SCMH1: variants seen among roughly 807,000 people sequenced by gnomAD.
The protein encoded by SCMH1 is polycomb protein SCMH1.
SCMH1 carries 37 observed loss-of-function variants against 70.8 expected under a neutral mutation model. The ratio of observed to expected loss-of-function variants is 0.52; its 90% CI spans 0.40 to 0.69. The LOEUF is 0.69. SCMH1 is among the 30% of genes least tolerant of loss of function. The pLI is 0.00. For missense variants in SCMH1, 607 were observed against 827.3 expected (o/e 0.73, Z 3.27); for synonymous variants, 292 against 307.4 (o/e 0.95, Z 0.52).
At chr1:41,127,807 T>TCCTTCTC (rs1673604607) in intron 6 of SCMH1, among the ~76,000 whole-genome samples, 1 of 152,078 alleles carries the variant, frequency 6.6e-6, no homozygotes, top group African/African-American at 2.4e-5. Flanking sequence ...CCTTCCTTCT[T>TCCTTCTC]CCTTCTCCTG....
At chr1:41,162,280 CAA>C (rs1346495005) in intron 2 of SCMH1, among the ~76,000 whole-genome samples, 2 of 152,150 alleles carry the variant, frequency 1.3e-5, no homozygotes, top group Non-Finnish European at 2.9e-5. Flanking sequence ...GATCTTGGAG[CAA>C]AGTCAGGGTG....
rs544283357 is a variant in SCMH1 at position 41,179,488 on chromosome 1, G to A, written c.13+6633C>T. Among the ~76,000 whole-genome samples the A allele has an allele frequency of 6.6e-5, 10 of 152,180 alleles. No individual in the cohort carries two copies. In the South Asian group the frequency reaches 2.1e-3, roughly 32 times the overall value. On this transcript the variant is annotated intron_variant, in intron 2 of 14. Coordinates refer to ENST00000337495, the Ensembl canonical transcript of SCMH1. Reference sequence around the variant, plus strand: ...ACCGCTAGCAAGACTAATAAGAAAAGAGAGAAGAATCAAATAGATGCAATA... The same window carrying A: ...ACCGCTAGCAAGACTAATAAGAAAAAAGAGAAGAATCAAATAGATGCAATA...
At chr1:41,139,603 A>T (rs1572522203) in intron 6 of SCMH1, among the ~76,000 whole-genome samples, 1 of 152,320 alleles carries the variant, frequency 6.6e-6, no homozygotes, top group East Asian at 1.9e-4. Context: ...AGAATAACAC[A>T]CTACAGTGTA....
chr1:41,105,254 G>A (rs1667614052), intron 8 of SCMH1, among the ~76,000 whole-genome samples: 1 of 151,960 alleles, frequency 6.6e-6, no homozygotes, highest in South Asian at 2.1e-4. Context: ...ATGAGCCACT[G>A]TGCCTGGCCT....
intron 11 of SCMH1, among the ~76,000 whole-genome samples, 195 bp downstream of exon 11, chr1:41,048,495 G>A (rs1160713170): frequency 6.6e-6 from 1 of 152,112 alleles, no homozygotes; most frequent in African/African-American, 2.4e-5. Flanking sequence ...AGAATCTGTG[G>A]GTATTCTCCT....
chr1:41,236,091 G>A (rs1281785397), intron 1 of SCMH1, among the ~76,000 whole-genome samples: 1 of 152,142 alleles, frequency 6.6e-6, no homozygotes, highest in African/African-American at 2.4e-5. Flanking sequence ...TTTCCAAAGG[G>A]TATATACCTA....
At chr1:41,060,389 A>G (rs1188432773) in intron 10 of SCMH1, among the ~76,000 whole-genome samples, 3 of 152,102 alleles carry the variant, frequency 2.0e-5, no homozygotes, top group Non-Finnish European at 4.4e-5. Flanking sequence ...TGAAATATTT[A>G]AAGTGTTGAG....
chr1:41,194,079 G>C (rs1274396316), intron 1 of SCMH1, among the ~76,000 whole-genome samples: 1 of 152,164 alleles, frequency 6.6e-6, no homozygotes, highest in Non-Finnish European at 1.5e-5. Context: ...ACAGGATTTT[G>C]AATAAGTCTC....
chr1:41,068,182 A>C (rs1655304868), intron 10 of SCMH1, among the ~76,000 whole-genome samples: 2 of 152,192 alleles, frequency 1.3e-5, no homozygotes, highest in South Asian at 4.1e-4. Flanking sequence ...GGAGTACTAA[A>C]TAATTATAAT....
At chr1:41,041,581 G>A (rs1178928660) in intron 12 of SCMH1, 1 of 152,232 alleles carries the variant, frequency 6.6e-6, no homozygotes, top group Non-Finnish European at 1.5e-5. Context: ...AAGCGGACGT[G>A]TGCCAGACAG....
intron 1 of SCMH1, among the ~76,000 whole-genome samples, chr1:41,210,670 A>G (rs1161546441): frequency 1.3e-5 from 2 of 152,190 alleles, no homozygotes; most frequent in Non-Finnish European, 2.9e-5. Flanking sequence ...GAAAGCTGAA[A>G]CTGGATCCCT....
intron 2 of SCMH1, among the ~76,000 whole-genome samples, chr1:41,183,291 C>T (rs1165226189): frequency 1.3e-5 from 2 of 152,182 alleles, no homozygotes; most frequent in Non-Finnish European, 1.5e-5. Context: ...TCCAATCATA[C>T]ATCAGCATTA....
At chr1:41,032,300 C>T (rs1175807806) in intron 13 of SCMH1, among the ~76,000 whole-genome samples, 4 of 152,116 alleles carry the variant, frequency 2.6e-5, no homozygotes, top group Admixed American at 2.6e-4. Flanking sequence ...TCCATGAGGG[C>T]AGGTGGTAGG....
intron 2 of SCMH1, among the ~76,000 whole-genome samples, chr1:41,180,301 G>A (rs540404442): frequency 6.6e-6 from 1 of 152,256 alleles, no homozygotes; most frequent in East Asian, 1.9e-4. Flanking sequence ...TTGAAAACTG[G>A]CACAAGACAG....
chr1:41,168,845 G>A (rs531329981), intron 2 of SCMH1, among the ~76,000 whole-genome samples: 27 of 151,970 alleles, frequency 1.8e-4, no homozygotes, highest in African/African-American at 4.6e-4. Context: ...TGGTCCCCTC[G>A]AGCTTAGGAT....
chr1:41,160,036 G>A, intron 4 of SCMH1: 1 of 275,596 alleles, frequency 3.6e-6, no homozygotes, highest in Non-Finnish European at 6.7e-6. Flanking sequence ...CTCTCAAAAA[G>A]CCTAGGAGTT....
intron 8 of SCMH1, among the ~76,000 whole-genome samples, chr1:41,101,684 G>A (rs577035452): frequency 4.6e-5 from 7 of 151,728 alleles, no homozygotes; most frequent in Admixed American, 2.6e-4. Context: ...ATCCAAGTCC[G>A]CTGTTTTTTT....
At chr1:41,046,643 G>A (rs1558420126) in intron 11 of SCMH1, 45 bp from the exon 12 acceptor site, 1 of 1,492,022 alleles carries the variant, frequency 6.7e-7, no homozygotes, top group Non-Finnish European at 9.3e-7. Flanking sequence ...CCTGGCAGTG[G>A]AGTACAGCGC....
At chr1:41,171,903 G>A (rs964751101) in intron 2 of SCMH1, among the ~76,000 whole-genome samples, 74 of 152,078 alleles carry the variant, frequency 4.9e-4, no homozygotes, top group African/African-American at 1.6e-3. Flanking sequence ...ATATTAAGAG[G>A]AAAGATGGCT....
Sources: gnomAD v4.1 joint callset for allele counts (sites outside exome capture counted in the v4.1 genomes callset) on GRCh38, gnomAD v4.1.1 for gene constraint, MANE v1.5 for transcripts, NCBI Gene and HGNC (gene_info 2026-07-23, HGNC 2026-07-21) for gene names.